BCAS3: variants seen among roughly 807,000 people sequenced by gnomAD.
The protein encoded by BCAS3 is BCAS4/BCAS3 fusion.
Under a neutral mutation model 116.1 loss-of-function variants are expected in BCAS3, and 53 were observed. The ratio of observed to expected loss-of-function variants is 0.46; its 90% CI spans 0.37 to 0.57. The LOEUF is 0.57. BCAS3 is among the 20% of genes least tolerant of loss of function. The pLI is 0.00. For missense variants in BCAS3, 917 were observed against 1,165.4 expected (o/e 0.79, Z 3.10); for synonymous variants, 391 against 408.2 (o/e 0.96, Z 0.51).
intron 5 of BCAS3, among the ~76,000 whole-genome samples, chr17:60,746,967 C>A (rs1057422540): frequency 1.8e-4 from 28 of 152,008 alleles, no homozygotes; most frequent in African/African-American, 6.5e-4. Context: ...AGAACAGACC[C>A]TTTTTTTCTG....
intron 5 of BCAS3, among the ~76,000 whole-genome samples, chr17:60,732,855 TA>T (rs1422683649): frequency 6.6e-6 from 1 of 151,892 alleles, no homozygotes; most frequent in Non-Finnish European, 1.5e-5. Flanking sequence ...AATAAATAAA[TA>T]AAAAAGACCT....
chr17:60,870,035 T>C (rs1484348305), intron 8 of BCAS3, among the ~76,000 whole-genome samples: 2 of 152,200 alleles, frequency 1.3e-5, no homozygotes, highest in East Asian at 3.8e-4. Flanking sequence ...CATCTGAAAA[T>C]TAATCGCAAA....
chr17:60,733,721 C>A (rs1446338772), intron 5 of BCAS3, among the ~76,000 whole-genome samples: 1 of 152,052 alleles, frequency 6.6e-6, no homozygotes, highest in Non-Finnish European at 1.5e-5. Context: ...GTGGCATGTA[C>A]CCGTGGTCCC....
At chr17:60,790,581 C>T (rs1358480172) in intron 6 of BCAS3, among the ~76,000 whole-genome samples, 1 of 152,070 alleles carries the variant, frequency 6.6e-6, no homozygotes, top group African/African-American at 2.4e-5. Flanking sequence ...AGTAATGGCA[C>T]ACCATGTACA....
chr17:61,328,542 G>A (rs963222192), intron 22 of BCAS3, among the ~76,000 whole-genome samples: 13 of 152,168 alleles, frequency 8.5e-5, no homozygotes, highest in East Asian at 3.8e-4. Context: ...CGAGGCTGGC[G>A]GATCACTTGA....
At chr17:60,691,588 T>G (rs946351840) in intron 4 of BCAS3, among the ~76,000 whole-genome samples, 3 of 152,228 alleles carry the variant, frequency 2.0e-5, no homozygotes, top group African/African-American at 7.2e-5. Context: ...TAATTGTTTT[T>G]GTTTGTTTAT....
At chr17:60,776,506 G>A (rs1245320302) in intron 6 of BCAS3, among the ~76,000 whole-genome samples, 3 of 151,958 alleles carry the variant, frequency 2.0e-5, no homozygotes, top group Non-Finnish European at 4.4e-5. Flanking sequence ...GGATCACAAG[G>A]TCAGGAGTTC....
chr17:61,344,507 G>T lies in BCAS3; in HGVS notation c.2426-23820G>T, dbSNP rs2057381585. Among the ~76,000 whole-genome samples the T allele has an allele frequency of 6.6e-6, 1 of 152,152 alleles. No individual in the cohort carries two copies. Among genetic ancestry groups the T allele is most frequent in the Non-Finnish European group, 1.5e-5 (1 of 68,036 alleles). ...GGTCCTAAGTTTTGAGGGTACCATG[G>T]AGAGCAAAGTAGATGATATCTCTGC... On this transcript the variant is annotated intron_variant, in intron 22 of 23. Transcript: ENST00000407086. The surrounding 1 kb of genome is among the most constrained non-coding windows in gnomAD (Gnocchi z 4.1).
Position 61,380,638 on chromosome 17 carries a change from G to A in BCAS3, c.2594-11339G>A. The A allele has an allele frequency of 6.7e-7, 1 of 1,499,842 alleles. No individual in the cohort carries two copies. Among genetic ancestry groups the A allele is most frequent in the Admixed American group, 1.7e-5 (1 of 57,418 alleles). 92.9% of individuals were successfully genotyped at this position (1,499,842 alleles called of 1,614,324 possible). ...CCGTTGCTTCTTTTGTCCCTCAAGA[G>A]GGTGCCCTCCTACCCCCTCGTGCCC... is the stretch of plus-strand genomic sequence containing the variant. On this transcript the variant is annotated intron_variant, in intron 23 of 23. Transcript: ENST00000407086. The surrounding 1 kb of genome is among the most constrained non-coding windows in gnomAD (Gnocchi z 4.2).
rs2057530921 is a variant in BCAS3 at position 61,346,887 on chromosome 17, C to G, written c.2426-21440C>G. Among the ~76,000 whole-genome samples, 1 of 152,216 alleles carries G rather than the reference C, an allele frequency of 6.6e-6. No individual in the cohort carries two copies. Among genetic ancestry groups the G allele is most frequent in the Admixed American group, 6.5e-5 (1 of 15,284 alleles). On this transcript the variant is annotated intron_variant, in intron 22 of 23. Coordinates refer to ENST00000407086, the MANE Select transcript of BCAS3 (RefSeq NM_017679.5). The surrounding 1 kb of genome is among the most constrained non-coding windows in gnomAD (Gnocchi z 5.4). ...GGAAGGCTTCCCAGAGGAGCTTGCA[C>G]TTGGGCTAAGTCTCAAATCTGCAGA...
chr17:60,877,254 G>C (rs2055699995), intron 9 of BCAS3, among the ~76,000 whole-genome samples: 1 of 151,956 alleles, frequency 6.6e-6, no homozygotes, highest in African/African-American at 2.4e-5. Flanking sequence ...AAGTCACATT[G>C]GGGTAAATCC....
At position 61,065,173 on chromosome 17, in the gene BCAS3, C is replaced by G. The variant is rs140165210; in HGVS notation, c.2030-9747C>G. On this transcript the variant is annotated intron_variant, in intron 19 of 23. Coordinates refer to ENST00000407086, the MANE Select transcript of BCAS3 (RefSeq NM_017679.5). This position sits in a 1 kb window ranked among gnomAD's most constrained non-coding sequence, Gnocchi z 4.8. ...TGAATCATTAAATCTCCAATTACTA[C>G]GATTTAAATATGTTTGTTGGATATT... Among the ~76,000 whole-genome samples the G allele has an allele frequency of 6.6e-6, 1 of 152,042 alleles. No homozygotes were observed.
At chr17:60,987,404 G>A (rs1169457823) in intron 14 of BCAS3, among the ~76,000 whole-genome samples, 1 of 150,746 alleles carries the variant, frequency 6.6e-6, no homozygotes, top group African/African-American at 2.4e-5. Flanking sequence ...GATAGGGATT[G>A]CATTCAATCT....
Position 61,273,960 on chromosome 17 carries a change from A to T in BCAS3, c.2426-94367A>T, listed in dbSNP as rs1271446499. Among the ~76,000 whole-genome samples the T allele has an allele frequency of 5.4e-5, 8 of 148,306 alleles. No individual in the cohort carries two copies. The East Asian group carries it at 1.6e-3, about 29-fold the overall frequency. On this transcript the variant is annotated intron_variant, in intron 22 of 23. Coordinates refer to ENST00000407086, the MANE Select transcript of BCAS3 (RefSeq NM_017679.5). ...TTAATTTATTTTATTTTATTTTTTA[A>T]ATTTTATTATTATTATACTTTAAGT...
chr17:61,391,957 C>A lies in BCAS3; in HGVS notation c.2594-20C>A, dbSNP rs781237743. On this transcript the variant is annotated intron_variant, in intron 23 of 23. Coordinates refer to ENST00000407086, the MANE Select transcript of BCAS3 (RefSeq NM_017679.5). This position sits in a 1 kb window ranked among gnomAD's most constrained non-coding sequence, Gnocchi z 7.7. ...CAGACCCAACTCTAACCAGGCCTGG[C>A]CCTCTCCTGTGTCTTGCAGAACTTC... 1 of 1,611,466 alleles carries A rather than the reference C, an allele frequency of 6.2e-7. No individual in the cohort carries two copies. Among genetic ancestry groups the A allele is most frequent in the Non-Finnish European group, 8.5e-7 (1 of 1,179,128 alleles).
At chr17:60,761,814 T>C (rs2043570852) in intron 6 of BCAS3, among the ~76,000 whole-genome samples, 1 of 131,372 alleles carries the variant, frequency 7.6e-6, no homozygotes, top group African/African-American at 4.5e-5. Flanking sequence ...TAGTTTATGC[T>C]TCCACCAACA....
intron 2 of BCAS3, among the ~76,000 whole-genome samples, chr17:60,682,844 TG>T (rs1426825481): frequency 6.6e-6 from 1 of 152,176 alleles, no homozygotes; most frequent in East Asian, 1.9e-4. Flanking sequence ...TTGAAGAAGT[TG>T]TTTTTTTCCA....
intron 15 of BCAS3, among the ~76,000 whole-genome samples, chr17:60,998,977 A>G (rs527481192): frequency 1.3e-4 from 20 of 152,164 alleles, no homozygotes; most frequent in African/African-American, 4.3e-4. Context: ...ATCCATCTTG[A>G]GTTAATTTTT....
At chr17:61,178,024 C>T (rs1333788807) in intron 22 of BCAS3, among the ~76,000 whole-genome samples, 1 of 152,096 alleles carries the variant, frequency 6.6e-6, no homozygotes, top group Non-Finnish European at 1.5e-5. Context: ...AAATTAGACA[C>T]TTGTATCTTT....
Sources: allele counts gnomAD v4.1 joint callset (sites outside exome capture counted in the v4.1 genomes callset), GRCh38; gene constraint gnomAD v4.1.1; non-coding constraint Gnocchi (gnomAD v3.1); transcripts MANE v1.5; gene names NCBI Gene and HGNC (gene_info 2026-07-23, HGNC 2026-07-21).